The following FGFR4 variants were observed in gnomAD, a reference collection of about 807,000 sequenced individuals.
The protein encoded by FGFR4 is hydroxyaryl-protein kinase.
In FGFR4, 63 loss-of-function variants were observed where a neutral mutation model predicts 89.9. The observed-to-expected ratio is 0.70, with a 90% CI of 0.57 to 0.86. FGFR4 has a LOEUF of 0.86. Among genes scored for constraint, FGFR4 ranks in the 40% least tolerant of loss-of-function variants. The probability of loss-of-function intolerance (pLI) is 0.00; values close to 1 mark genes in which losing one functional copy is unlikely to be tolerated. For missense variants in FGFR4, 928 were observed against 1,106.7 expected (o/e 0.84, Z 2.29); for synonymous variants, 486 against 479.4 (o/e 1.01, Z -0.18).
At chr5:177,094,489 T>A (rs1784480719) in intron 11 of FGFR4, among the ~76,000 whole-genome samples, 1 of 151,976 alleles carries the variant, frequency 6.6e-6, no homozygotes. Context: ...CCTCCTTCCT[T>A]ATGGTTCCCC....
rs145302848 is a variant in FGFR4 at position 177,093,265 on chromosome 5, C to G, written c.1185C>G (p.Leu395=). Residue 395 remains leucine (L), a synonymous_variant, in exon 9 of 18, where the codon CTC becomes CTG. Coordinates refer to ENST00000292408, the MANE Select transcript of FGFR4 (RefSeq NM_213647.3). This position sits in a 1 kb window ranked among gnomAD's most constrained non-coding sequence, Gnocchi z 5.8. ...CCGGGCTGTATCGAGGGCAGGCGCT[C>G]CACGGCCGGCACCCCCGCCCGCCCG... ...LLAGLYRGQA[L]HGRHPRPPAT... 8.7e-6 allele frequency: 14 copies of G among 1,612,776 alleles called. No individual in the cohort carries two copies. In the African/African-American group the frequency reaches 1.9e-4, roughly 22 times the overall value.
In FGFR4 at chr5:177,097,358, G is replaced by A; in HGVS notation, c.2220G>A (p.Val740=). Residue 740 remains valine (V), a synonymous_variant, in exon 17 of 18, where the codon GTG becomes GTA. Transcript: ENST00000292408. ...AGAGGCCTACCTTCAAGCAGCTGGT[G>A]GAGGCGCTGGACAAGGTCCTGCTGG... ...PSQRPTFKQL[V]EALDKVLLAV... 4 of 1,612,138 alleles carry A rather than the reference G, an allele frequency of 2.5e-6. No homozygotes were observed. Among genetic ancestry groups the A allele is most frequent in the Non-Finnish European group, 3.4e-6 (4 of 1,179,422 alleles).
Position 177,093,460 on chromosome 5 carries a change from G to A in FGFR4, c.1306G>A (p.Val436Met), listed in dbSNP as rs754621505. 47 of 1,613,900 alleles carry A rather than the reference G, an allele frequency of 2.9e-5. No homozygotes were observed. In the African/African-American group the frequency reaches 3.7e-4, roughly 13 times the overall value. The change falls in exon 10 of 18, where the codon GTG becomes ATG. Residue 436 changes from valine to methionine, a missense_variant. Val to Met is a conservative substitution (Grantham distance 21). This residue lies in a region of FGFR4 where 741 missense variants were observed against 836.9 expected (regional missense o/e 0.89). Transcript: ENST00000292408. This position sits in a 1 kb window ranked among gnomAD's most constrained non-coding sequence, Gnocchi z 5.8. ...GKSSSSLVRG[V>M]RLSSSGPALL... ...GTCAAGCTCATCCCTGGTACGAGGC[G>A]TGCGTCTCTCCTCCAGCGGCCCCGC...
Position 177,095,743 on chromosome 5 carries a change from G to A in FGFR4, c.1821+20G>A. ...CGGAAGGTACAGGCGCTAGGGCTCT[G>A]AGCCCCTCTCAGTCTCTCCAGCTCC... On this transcript the variant is annotated intron_variant, in intron 13 of 17. Transcript: ENST00000292408. This position sits in a 1 kb window ranked among gnomAD's most constrained non-coding sequence, Gnocchi z 5.7. 6.4e-7 allele frequency: 1 copy of A among 1,561,910 alleles called. No homozygotes were observed. The highest frequency in any genetic ancestry group is 8.6e-7 in the Non-Finnish European group (1 of 1,156,162).
Position 177,095,747 on chromosome 5 carries a change from C to T in FGFR4, c.1821+24C>T, listed in dbSNP as rs1784536518. 2 of 1,549,062 alleles carry T rather than the reference C, an allele frequency of 1.3e-6. No homozygotes were observed. The highest frequency in any genetic ancestry group is 1.7e-6 in the Non-Finnish European group (2 of 1,149,428). On this transcript the variant is annotated intron_variant, in intron 13 of 17. Transcript: ENST00000292408. The surrounding 1 kb of genome is among the most constrained non-coding windows in gnomAD (Gnocchi z 5.7). ...AGGTACAGGCGCTAGGGCTCTGAGC[C>T]CCTCTCAGTCTCTCCAGCTCCACTC...
chr5:177,093,492 C>T lies in FGFR4; in HGVS notation c.1338C>T (p.Leu446=), dbSNP rs543839498. 3.7e-5 allele frequency: 59 copies of T among 1,613,948 alleles called. No homozygotes were observed. The highest frequency in any genetic ancestry group is 2.3e-4 in the African/African-American group (17 of 75,064). The change falls in exon 10 of 18, where the codon CTC becomes CTT. Residue 446 remains leucine (L), a synonymous_variant. Transcript: ENST00000292408. The surrounding 1 kb of genome is among the most constrained non-coding windows in gnomAD (Gnocchi z 5.8). ...TCTCCTCCAGCGGCCCCGCCTTGCT[C>T]GCCGGCCTCGTGAGTCTAGATCTAC... ...VRLSSSGPAL[L]AGLVSLDLPL...
Position 177,095,642 on chromosome 5 carries a change from T to C in FGFR4, c.1740T>C (p.Ser580=), listed in dbSNP as rs1353560278. 6.2e-7 allele frequency: 1 copy of C among 1,606,972 alleles called. No homozygotes were observed. Among genetic ancestry groups the C allele is most frequent in the Admixed American group, 1.7e-5 (1 of 59,206 alleles). ...PDLSPDGPRS[S]EGPLSFPVLV... ...TCAGCCCCGACGGTCCTCGGAGCAG[T>C]GAGGGGCCGCTCTCCTTCCCAGTCC... Residue 580 remains serine (S), a synonymous_variant, in exon 13 of 18, where the codon AGT becomes AGC. Coordinates refer to ENST00000292408, the MANE Select transcript of FGFR4 (RefSeq NM_213647.3). This position sits in a 1 kb window ranked among gnomAD's most constrained non-coding sequence, Gnocchi z 5.7.
At position 177,095,598 on chromosome 5, in the gene FGFR4, C is replaced by T. The variant is rs748021462; in HGVS notation, c.1696C>T (p.Arg566Cys). 1.9e-6 allele frequency: 3 copies of T among 1,605,652 alleles called. No homozygotes were observed. Among genetic ancestry groups the T allele is most frequent in the Non-Finnish European group, 2.5e-6 (3 of 1,177,020 alleles). ...GNLREFLRAR[R>C]PPGPDLSPDG... ...CCTGCGGGAGTTCCTGCGGGCCCGG[C>T]GCCCCCCAGGCCCCGACCTCAGCCC... Residue 566 changes from arginine (R) to cysteine (C), a missense_variant, in exon 13 of 18, where the codon CGC becomes TGC. Physicochemically the swap from Arg to Cys is radical, Grantham distance 180. Coordinates refer to ENST00000292408, the MANE Select transcript of FGFR4 (RefSeq NM_213647.3). This position sits in a 1 kb window ranked among gnomAD's most constrained non-coding sequence, Gnocchi z 5.7.
chr5:177,097,426 T>G, intron 17 of FGFR4, 29 bp downstream of exon 17: 1 of 1,220,400 alleles, frequency 8.2e-7, no homozygotes, highest in Non-Finnish European at 1.1e-6. Context: ...ACCACCTCCC[T>G]CTGCCTGCTC....
chr5:177,096,448 G>T (rs1479152273), intron 15 of FGFR4, 91 bp downstream of exon 15: 4 of 1,554,880 alleles, frequency 2.6e-6, no homozygotes, highest in African/African-American at 1.4e-5. Flanking sequence ...GCGCTCGAGG[G>T]CTCCTTCAGA....
Position 177,089,112 on chromosome 5 carries a change from G to T in FGFR4, c.-53-438G>T, listed in dbSNP as rs150425007. On this transcript the variant is annotated intron_variant, in intron 1 of 17. Transcript: ENST00000292408. The stretch of plus-strand genomic sequence containing the variant: ...AGTAATGCTGTAAGGAGTGGGGATC[G>T]GATCAGATGCCATCCAGATGCTGAA... Among the ~76,000 whole-genome samples, 68 of 152,296 alleles carry T rather than the reference G, an allele frequency of 4.5e-4. 1 individual carries two copies. Among genetic ancestry groups the T allele is most frequent in the Non-Finnish European group, 1.8e-4 (12 of 68,024 alleles).
rs2149738535 is a variant in FGFR4 at position 177,096,131 on chromosome 5, G to A, written c.1896G>A (p.Gly632=). The change falls in exon 14 of 18, where the codon GGG becomes GGA. Residue 632 remains glycine, a synonymous_variant. Transcript: ENST00000292408. ...EDNVMKIADF[G]LARGVHHIDY... is the part of the protein sequence containing the mutation. ...ATGTGATGAAGATTGCTGACTTTGG[G>A]CTGGCCCGCGGCGTCCACCACATTG... The A allele has an allele frequency of 6.2e-7, 1 of 1,614,124 alleles. No homozygotes were observed.
Position 177,096,367 on chromosome 5 carries a change from GC to G in FGFR4, c.2015+12del. The G allele has an allele frequency of 6.2e-7, 1 of 1,613,854 alleles. No homozygotes were observed. The highest frequency in any genetic ancestry group is 8.5e-7 in the Non-Finnish European group (1 of 1,179,924). ...CACACCAGAGTGACGTGTGAGTCCT[GC>G]CGGCGGTCACTGTCCTACCCCACAA... On this transcript the variant is annotated intron_variant, in intron 15 of 17. Coordinates refer to ENST00000292408, the MANE Select transcript of FGFR4 (RefSeq NM_213647.3).
Position 177,092,647 on chromosome 5 carries a change from C to G in FGFR4, c.920C>G (p.Thr307Ser). 2 of 1,603,570 alleles carry G rather than the reference C, an allele frequency of 1.2e-6. No individual in the cohort carries two copies. The highest frequency in any genetic ancestry group is 1.7e-6 in the Non-Finnish European group (2 of 1,171,788). The change falls in exon 8 of 18, where the codon ACT becomes AGT. Residue 307 changes from threonine (T) to serine (S), a missense_variant and splice_region_variant. Physicochemically the swap from Thr to Ser is moderately conservative, Grantham distance 58. Transcript: ENST00000292408. Reference protein sequence around the residue: ...DGFPYVQVLKTADINSSEVEV... With the variant: ...DGFPYVQVLKSADINSSEVEV... ...CCCAGAGCATGTCCCCCACCCCAGACTGCAGACATCAATAGCTCAGAGGTG... is the reference window on the plus strand; with the variant it reads ...CCCAGAGCATGTCCCCCACCCCAGAGTGCAGACATCAATAGCTCAGAGGTG...
At chr5:177,096,773 T>G in intron 16 of FGFR4, 32 bp downstream of exon 16, 1 of 1,553,720 alleles carries the variant, frequency 6.4e-7, no homozygotes, top group South Asian at 1.2e-5. Context: ...GACCCCACTT[T>G]CCAGTCCTCC....
At position 177,093,695 on chromosome 5, in the gene FGFR4, A is replaced by G; in HGVS notation, c.1439A>G (p.Gln480Arg). The G allele has an allele frequency of 1.2e-6, 2 of 1,614,194 alleles. No individual in the cohort carries two copies. Among genetic ancestry groups the G allele is most frequent in the South Asian group, 1.1e-5 (1 of 91,084 alleles). Residue 480 changes from glutamine (Q) to arginine (R), a missense_variant, in exon 11 of 18, where the codon CAG becomes CGG. This residue lies in a region of FGFR4 where 741 missense variants were observed against 836.9 expected (regional missense o/e 0.89). Transcript: ENST00000292408. This position sits in a 1 kb window ranked among gnomAD's most constrained non-coding sequence, Gnocchi z 5.8. Reference sequence around the variant, plus strand: ...CCCCTAGGCGAGGGCTGCTTTGGCCAGGTAGTACGTGCAGAGGCCTTTGGC... The same window carrying G: ...CCCCTAGGCGAGGGCTGCTTTGGCCGGGTAGTACGTGCAGAGGCCTTTGGC... ...GKPLGEGCFG[Q>R]VVRAEAFGMD...
chr5:177,087,749 G>C lies in FGFR4; in HGVS notation c.-54+672G>C, dbSNP rs3135912. 1,039 of 598,844 alleles carry C rather than the reference G, an allele frequency of 1.7e-3. 7 individuals carry two copies. The African/African-American group carries it at 0.019, about 11-fold the overall frequency. The allele number at this position is 598,844 out of a possible 1,614,324, so 37.1% of individuals were successfully genotyped here. A position where few individuals can be genotyped will look rare whatever the true frequency, so the allele number is the denominator to read the frequency against. ...TAGGGAGTTTTACCAAGGAGGATCCGACTGGATTCGAGAGTTGAGGTGGGC... is the reference window on the plus strand; with the variant it reads ...TAGGGAGTTTTACCAAGGAGGATCCCACTGGATTCGAGAGTTGAGGTGGGC... On this transcript the variant is annotated intron_variant, in intron 1 of 17. Transcript: ENST00000292408. This position sits in a 1 kb window ranked among gnomAD's most constrained non-coding sequence, Gnocchi z 6.1.
chr5:177,097,434 C>T (rs1373968931), intron 17 of FGFR4, 37 bp downstream of exon 17: 1 of 1,602,910 alleles, frequency 6.2e-7, no homozygotes, highest in Admixed American at 1.7e-5. Context: ...CCTCTGCCTG[C>T]TCCCCTCCAG....
At chr5:177,091,545 C>A in intron 5 of FGFR4, 140 bp from the exon 6 acceptor site, 1 of 1,234,330 alleles carries the variant, frequency 8.1e-7, no homozygotes, top group Non-Finnish European at 1.1e-6. Flanking sequence ...GTGCCATAGT[C>A]CTTGGCCTGG....
Sources: gnomAD v4.1 joint callset for allele counts (sites outside exome capture counted in the v4.1 genomes callset) on GRCh38, gnomAD v4.1.1 for gene constraint, gnomAD v4.1.1 regional missense constraint, Gnocchi (gnomAD v3.1) non-coding constraint, MANE v1.5 for transcripts, NCBI Gene and HGNC (gene_info 2026-07-23, HGNC 2026-07-21) for gene names.